Variants in CPAMD8 observed in about 807,000 individuals in gnomAD.
CPAMD8 encodes C3 and PZP like alpha-2-macroglobulin domain containing 8, also known as C3 and PZP-like alpha-2-macroglobulin domain-containing protein 8.
Under a neutral mutation model 224.7 loss-of-function variants are expected in CPAMD8, and 146 were observed. That is an observed-to-expected ratio of 0.65 (90% CI 0.57 to 0.75). CPAMD8 has a LOEUF of 0.75. Ranked by LOEUF, CPAMD8 falls within the 30% of genes least tolerant of loss-of-function variation. CPAMD8 has a pLI of 0.00. For missense variants in CPAMD8, 2,301 were observed against 2,537.5 expected, an observed-to-expected ratio of 0.91 and a Z score of 2.00; for synonymous variants, 966 against 1,044.6, an observed-to-expected ratio of 0.92 and a Z score of 1.45.
chr19:16,893,042 G>A lies in CPAMD8; in HGVS notation c.*66C>T. 1 of 791,010 alleles carries A rather than the reference G, an allele frequency of 1.3e-6. No individual in the cohort carries two copies. The highest frequency in any genetic ancestry group is 2.3e-6 in the Non-Finnish European group (1 of 429,802). 49.0% of individuals were successfully genotyped at this position (791,010 alleles called of 1,614,324 possible). On this transcript the variant is annotated 3_prime_UTR_variant, in exon 42 of 42. Coordinates refer to ENST00000443236, the MANE Select transcript of CPAMD8 (RefSeq NM_015692.5). Reference sequence around the variant, plus strand: ...GAGATGTTAACCACAGGCACAAGCTGGGTGTGTGGGTATGAATGGTCCCCA... The same window carrying A: ...GAGATGTTAACCACAGGCACAAGCTAGGTGTGTGGGTATGAATGGTCCCCA...
intron 13 of CPAMD8, among the ~76,000 whole-genome samples, chr19:16,986,479 C>T (rs369673665): frequency 3.3e-5 from 5 of 152,304 alleles, no homozygotes; most frequent in African/African-American, 1.2e-4. Flanking sequence ...CGTCCCCACC[C>T]TGCACCACTG....
At chr19:16,913,298 AT>A (rs2052797648) in intron 29 of CPAMD8, among the ~76,000 whole-genome samples, 1 of 152,092 alleles carries the variant, frequency 6.6e-6, no homozygotes, top group Non-Finnish European at 1.5e-5. Context: ...CTAACTCCTA[AT>A]ATGATGGTAT....
intron 3 of CPAMD8, among the ~76,000 whole-genome samples, chr19:17,014,845 A>C (rs2056768995): frequency 6.6e-6 from 1 of 152,188 alleles, no homozygotes; most frequent in African/African-American, 2.4e-5. Context: ...TGTGACCGGT[A>C]TTTGATGATA....
intron 25 of CPAMD8, among the ~76,000 whole-genome samples, chr19:16,927,321 T>G (rs1037523196): frequency 6.6e-6 from 1 of 152,092 alleles, no homozygotes; most frequent in African/African-American, 2.4e-5. Context: ...CACTTGGCTC[T>G]CATTCTCTCA....
intron 13 of CPAMD8, among the ~76,000 whole-genome samples, chr19:16,983,676 C>T (rs1005898259): frequency 3.3e-5 from 5 of 152,112 alleles, no homozygotes; most frequent in Admixed American, 1.3e-4. Context: ...AAGGTGATCC[C>T]GGACCAGAAA....
At chr19:16,902,886 G>A (rs1160995759) in intron 34 of CPAMD8, 23 bp from the exon 35 acceptor site, 1 of 1,489,638 alleles carries the variant, frequency 6.7e-7, no homozygotes, top group Non-Finnish European at 9.0e-7. Flanking sequence ...GGAGGATGGA[G>A]GCTTAGGGAC....
chr19:16,928,093 C>T lies in CPAMD8; in HGVS notation c.3286G>A (p.Asp1096Asn), dbSNP rs1039603193. Residue 1096 changes from aspartate to asparagine, a missense_variant, in exon 25 of 42, where the codon GAC (aspartate) becomes AAC (asparagine). Asp to Asn is a conservative substitution (Grantham distance 23). Transcript: ENST00000443236. ...EFRIWRKMEV[D>N]ESYSEAFTLG... The stretch of plus-strand genomic sequence containing the variant: ...GTGAAGGCCTCGCTGTAGCTCTCGT[C>T]CACCTCCATCTTCCTCCAGATTCGG... 1.2e-6 allele frequency: 2 copies of T among 1,613,956 alleles called. No homozygotes were observed.
intron 17 of CPAMD8, among the ~76,000 whole-genome samples, chr19:16,973,087 T>A (rs2055122878): frequency 6.6e-6 from 1 of 152,008 alleles, no homozygotes; most frequent in South Asian, 2.1e-4. Flanking sequence ...GAGGATCGCT[T>A]GAGCCCAGGA....
At chr19:16,944,744 G>A (rs566916390) in intron 22 of CPAMD8, among the ~76,000 whole-genome samples, 9 of 77,056 alleles carry the variant, frequency 1.2e-4, no homozygotes, top group East Asian at 4.5e-4. Flanking sequence ...TCACCGCTCC[G>A]GAGTTCTGCC....
Position 16,898,049 on chromosome 19 carries a change from G to C in CPAMD8, c.4849-55C>G. On this transcript the variant is annotated intron_variant, in intron 37 of 41. Coordinates refer to ENST00000443236, the MANE Select transcript of CPAMD8 (RefSeq NM_015692.5). The surrounding 1 kb of genome is among the most constrained non-coding windows in gnomAD (Gnocchi z 4.2). ...CCCGGGCCAGGAGGCCCGGGGCGCT[G>C]AGCTCAGGCCCAGAACTGGCTGATT... 1.5e-6 allele frequency: 2 copies of C among 1,341,274 alleles called. No homozygotes were observed. Among genetic ancestry groups the C allele is most frequent in the Non-Finnish European group, 2.1e-6 (2 of 965,632 alleles). 83.1% of individuals were successfully genotyped at this position (1,341,274 alleles called of 1,614,324 possible).
chr19:16,906,407 T>TTTCTTTCCTTCCTTCC (rs1196710399), intron 30 of CPAMD8, among the ~76,000 whole-genome samples: 7 of 69,878 alleles, frequency 1.0e-4, no homozygotes, highest in African/African-American at 2.6e-4. Context: ...TCTTTCTTTC[T>TTTCTTTCCTTCCTTCC]TTCCTTCCTT....
chr19:16,909,954 C>T (rs1054178054), intron 29 of CPAMD8, among the ~76,000 whole-genome samples: 6 of 151,842 alleles, frequency 4.0e-5, no homozygotes, highest in African/African-American at 1.5e-4. Flanking sequence ...CAGGTTCAAG[C>T]GATTCTCCTG....
intron 29 of CPAMD8, among the ~76,000 whole-genome samples, chr19:16,909,770 CAG>C (rs2052654892): frequency 6.6e-6 from 1 of 151,864 alleles, no homozygotes; most frequent in African/African-American, 2.4e-5. Context: ...GTATTAGAGA[CAG>C]AGGTTTCACT....
chr19:17,008,739 G>T, intron 6 of CPAMD8, 180 bp from the exon 7 acceptor site: 1 of 746,630 alleles, frequency 1.3e-6, no homozygotes. Flanking sequence ...GATTTGAAAA[G>T]CAGAAGGGGA....
chr19:16,897,910 C>T lies in CPAMD8; in HGVS notation c.4933G>A (p.Val1645Met). The T allele has an allele frequency of 6.2e-7, 1 of 1,610,880 alleles. No homozygotes were observed. The highest frequency in any genetic ancestry group is 8.5e-7 in the Non-Finnish European group (1 of 1,179,212). The change falls in exon 38 of 42, where the codon GTG becomes ATG. Residue 1645 changes from valine to methionine, a missense_variant. Val to Met is a conservative substitution (Grantham distance 21, BLOSUM62 1). Transcript: ENST00000443236. ...CTACCGGGTTCGTAGTAGTCGTACA[C>T]GGAGACTGGCAGCGCCGACGTCCTG... Reference protein sequence around the residue: ...VGRTSALPVSVYDYYEPAFEA... With the variant: ...VGRTSALPVSMYDYYEPAFEA...
At chr19:16,920,811 G>A (rs1368451626) in intron 27 of CPAMD8, among the ~76,000 whole-genome samples, 1 of 145,760 alleles carries the variant, frequency 6.9e-6, no homozygotes, top group East Asian at 2.0e-4. Flanking sequence ...ACCCAAGATT[G>A]CACCACTGCA....
intron 23 of CPAMD8, among the ~76,000 whole-genome samples, chr19:16,931,993 A>G (rs959505331): frequency 6.6e-6 from 1 of 152,226 alleles, no homozygotes; most frequent in African/African-American, 2.4e-5. Context: ...TACACCAAAC[A>G]CCAAACGTAT....
rs574521826 is a variant in CPAMD8 at position 16,988,655 on chromosome 19, T to C, written c.1395+988A>G. On this transcript the variant is annotated intron_variant, in intron 13 of 41. Transcript: ENST00000443236. ...AAGAAAGAAAAGAAACAAATAGTAA[T>C]GCATGCATGCATTCTGCAGAATTCT... is the stretch of plus-strand genomic sequence containing the variant. Among the ~76,000 whole-genome samples the C allele has an allele frequency of 2.0e-5, 3 of 151,532 alleles. No homozygotes were observed. The East Asian group carries it at 5.8e-4, about 29-fold the overall frequency.
At chr19:16,961,027 A>G (rs1380108619) in intron 18 of CPAMD8, among the ~76,000 whole-genome samples, 1 of 152,098 alleles carries the variant, frequency 6.6e-6, no homozygotes, top group Non-Finnish European at 1.5e-5. Flanking sequence ...ACATGGTTAA[A>G]AAAATATGTT....
Sources: gnomAD v4.1 joint callset for allele counts (sites outside exome capture counted in the v4.1 genomes callset) on GRCh38, gnomAD v4.1.1 for gene constraint, Gnocchi (gnomAD v3.1) non-coding constraint, MANE v1.5 for transcripts, NCBI Gene and HGNC (gene_info 2026-07-23, HGNC 2026-07-21) for gene names.